LRRTM4: variants seen among roughly 807,000 people sequenced by gnomAD.
The protein encoded by LRRTM4 is leucine rich repeat transmembrane neuronal 4.
LRRTM4 carries 25 observed loss-of-function variants against 47.6 expected under a neutral mutation model. The ratio of observed to expected loss-of-function variants is 0.53; its 90% CI spans 0.38 to 0.73. LRRTM4 has a LOEUF of 0.73. Among genes scored for constraint, LRRTM4 ranks in the 30% least tolerant of loss-of-function variants. LRRTM4 has a pLI of 0.00. For missense variants in LRRTM4, 638 were observed against 713.4 expected (o/e 0.89, Z 1.20); for synonymous variants, 311 against 269.5 (o/e 1.15, Z -1.51).
At chr2:77,240,401 T>C (rs753809492) in intron 3 of LRRTM4, among the ~76,000 whole-genome samples, 5 of 151,974 alleles carry the variant, frequency 3.3e-5, no homozygotes, top group Non-Finnish European at 5.9e-5. Context: ...GAAGAACTCT[T>C]TAATTCCTCA....
intron 3 of LRRTM4, among the ~76,000 whole-genome samples, chr2:77,047,161 G>A (rs556382519): frequency 5.3e-5 from 8 of 151,892 alleles, no homozygotes; most frequent in Non-Finnish European, 8.8e-5. Context: ...TTTTTGCTTT[G>A]GTTTCAAACA....
At chr2:77,247,323 T>A (rs1447421808) in intron 3 of LRRTM4, among the ~76,000 whole-genome samples, 4 of 152,108 alleles carry the variant, frequency 2.6e-5, no homozygotes, top group Non-Finnish European at 5.9e-5. Flanking sequence ...TACCTGCAGT[T>A]TTTATTCAGT....
chr2:76,841,048 G>T (rs1228528971), intron 3 of LRRTM4, among the ~76,000 whole-genome samples: 2 of 150,220 alleles, frequency 1.3e-5, no homozygotes, highest in East Asian at 2.0e-4. Flanking sequence ...ATGATAGACT[G>T]GATTAAGAAA....
intron 3 of LRRTM4, among the ~76,000 whole-genome samples, chr2:77,450,029 TG>T (rs1676196889): frequency 6.6e-6 from 1 of 152,200 alleles, no homozygotes; most frequent in South Asian, 2.1e-4. Context: ...GCTTATTTAG[TG>T]TTGTATTCCC....
intron 3 of LRRTM4, among the ~76,000 whole-genome samples, chr2:77,162,398 G>A (rs1672756577): frequency 6.6e-6 from 1 of 152,206 alleles, no homozygotes; most frequent in Non-Finnish European, 1.5e-5. Flanking sequence ...TCTGGGGGCA[G>A]GGCATAGCTG....
chr2:77,041,788 C>A (rs561842578), intron 3 of LRRTM4, among the ~76,000 whole-genome samples: 1 of 149,528 alleles, frequency 6.7e-6, no homozygotes, highest in Non-Finnish European at 1.5e-5. Context: ...AATATTAGGT[C>A]GGTGCAAAAA....
At chr2:76,783,869 GA>G (rs1674526568) in intron 3 of LRRTM4, among the ~76,000 whole-genome samples, 1 of 152,088 alleles carries the variant, frequency 6.6e-6, no homozygotes, top group Non-Finnish European at 1.5e-5. Context: ...AGTAAGATGG[GA>G]GAAGAATGTG....
At chr2:76,919,210 T>C (rs910399519) in intron 3 of LRRTM4, among the ~76,000 whole-genome samples, 9 of 152,166 alleles carry the variant, frequency 5.9e-5, no homozygotes, top group Admixed American at 2.0e-4. Context: ...AGTTCAATCA[T>C]ATACGCACCT....
chr2:76,860,394 G>A (rs1223253187), intron 3 of LRRTM4, among the ~76,000 whole-genome samples: 1 of 152,144 alleles, frequency 6.6e-6, no homozygotes, highest in East Asian at 1.9e-4. Flanking sequence ...ATGTGGAGCA[G>A]ATCCACATAG....
chr2:77,308,017 T>C (rs13431950), intron 3 of LRRTM4, among the ~76,000 whole-genome samples: 2 of 140,374 alleles, frequency 1.4e-5, no homozygotes, highest in Non-Finnish European at 3.0e-5. Flanking sequence ...ATGTTACATA[T>C]TATATATTAT....
chr2:76,814,663 T>C (rs1045218229), intron 3 of LRRTM4, among the ~76,000 whole-genome samples: 1 of 152,058 alleles, frequency 6.6e-6, no homozygotes, highest in Admixed American at 6.6e-5. Context: ...TATATGTAAA[T>C]ACTACCCCAT....
In LRRTM4 at chr2:77,028,967, G is replaced by A. The variant is rs563035264; in HGVS notation, c.1552-280051C>T. On this transcript the variant is annotated intron_variant, in intron 3 of 3. Transcript: ENST00000409884. ...GGAGAATGGTGTGAACCCGGGAGGC[G>A]GAGCTTGCAGTGAGCCAAGGTCACA... 2.1e-4 allele frequency among the ~76,000 whole-genome samples: 32 copies of A among 150,282 alleles called. 1 individual carries two copies. The South Asian group carries it at 4.4e-3, about 21-fold the overall frequency.
At chr2:77,402,039 G>A (rs1333792402) in intron 3 of LRRTM4, among the ~76,000 whole-genome samples, 1 of 151,974 alleles carries the variant, frequency 6.6e-6, no homozygotes, top group African/African-American at 2.4e-5. Flanking sequence ...GTACATAGGT[G>A]TGCATAAAAT....
intron 3 of LRRTM4, among the ~76,000 whole-genome samples, chr2:77,178,196 A>G (rs2103850222): frequency 6.6e-6 from 1 of 152,328 alleles, no homozygotes; most frequent in Non-Finnish European, 1.5e-5. Flanking sequence ...GTAGGAAAAT[A>G]TAAAAACTAC....
chr2:76,837,345 A>G (rs1573190141), intron 3 of LRRTM4, among the ~76,000 whole-genome samples: 1 of 151,854 alleles, frequency 6.6e-6, no homozygotes, highest in Admixed American at 6.6e-5. Flanking sequence ...TGGATTCATT[A>G]ATTTTTTGAA....
chr2:76,799,949 AAG>A (rs1254665883), intron 3 of LRRTM4, among the ~76,000 whole-genome samples: 1 of 151,408 alleles, frequency 6.6e-6, no homozygotes, highest in Non-Finnish European at 1.5e-5. Context: ...AAGGAAATAA[AAG>A]AGGATACAAA....
chr2:77,033,490 T>C (rs981054414), intron 3 of LRRTM4, among the ~76,000 whole-genome samples: 47 of 152,048 alleles, frequency 3.1e-4, no homozygotes, highest in African/African-American at 9.9e-4. Context: ...GTAAATAATG[T>C]TGACAAATTA....
chr2:77,285,414 T>C (rs1185855179), intron 3 of LRRTM4, among the ~76,000 whole-genome samples: 1 of 142,494 alleles, frequency 7.0e-6, no homozygotes, highest in East Asian at 2.1e-4. Context: ...TGCAAGCAAA[T>C]ATTAGAGAAA....
intron 3 of LRRTM4, among the ~76,000 whole-genome samples, chr2:77,032,483 G>A (rs943136001): frequency 7.2e-5 from 11 of 151,936 alleles, no homozygotes; most frequent in South Asian, 2.1e-4. Flanking sequence ...TTTTGTTCAC[G>A]TTGCCATCTG....
Sources: allele counts gnomAD v4.1 joint callset (sites outside exome capture counted in the v4.1 genomes callset), GRCh38; gene constraint gnomAD v4.1.1; transcripts MANE v1.5; gene names NCBI Gene and HGNC (gene_info 2026-07-23, HGNC 2026-07-21).